ARHGEF10: variants seen among roughly 807,000 people sequenced by gnomAD.
ARHGEF10 encodes the protein Rho guanine nucleotide exchange factor 10.
ARHGEF10 carries 140 observed loss-of-function variants against 147.4 expected under a neutral mutation model. That is an observed-to-expected ratio of 0.95 (90% CI 0.83 to 1.09). The LOEUF (loss-of-function observed/expected upper bound fraction) is 1.09, where lower values mean the gene tolerates loss of function less well. Ranked by LOEUF, ARHGEF10 falls within the 50% of genes least tolerant of loss-of-function variation. ARHGEF10 has a pLI of 0.00. For missense variants in ARHGEF10, 2,222 were observed against 1,752.7 expected (o/e 1.27, Z -4.78); for synonymous variants, 902 against 695.8 (o/e 1.30, Z -4.67).
intron 26 of ARHGEF10, among the ~76,000 whole-genome samples, chr8:1,934,552 A>G (rs558051174): frequency 6.6e-6 from 1 of 152,262 alleles, no homozygotes; most frequent in Admixed American, 6.5e-5. Context: ...ACTTAGGGAA[A>G]ATTTGCATTT....
At position 1,889,232 on chromosome 8, in the gene ARHGEF10, GAGGAGACAT is replaced by G. The variant is rs1809157906; in HGVS notation, c.1182+3526_1182+3534del. Among the ~76,000 whole-genome samples, 5 of 114,086 alleles carry G rather than the reference GAGGAGACAT, an allele frequency of 4.4e-5. 1 individual carries two copies. The highest frequency in any genetic ancestry group is 1.4e-4 in the African/African-American group (4 of 27,612). The allele number at this position is 114,086 out of a possible 152,430, so 74.8% of individuals were successfully genotyped here. A position where few individuals can be genotyped will look rare whatever the true frequency, so the allele number is the denominator to read the frequency against. On this transcript the variant is annotated intron_variant, in intron 11 of 28. Transcript: ENST00000349830. ...AGACACTGAATGGGGTGAGGGTTGTGAGGAGACATTGAGTGGGATGAGAGGTGTGAGGAG... is the reference window on the plus strand; with the variant it reads ...AGACACTGAATGGGGTGAGGGTTGTGTGAGTGGGATGAGAGGTGTGAGGAG...
rs553203762 is a variant in ARHGEF10 at position 1,866,262 on chromosome 8, G to A, written c.546-264G>A. Among the ~76,000 whole-genome samples, 39 of 152,314 alleles carry A rather than the reference G, an allele frequency of 2.6e-4. No homozygotes were observed. In the South Asian group the frequency reaches 7.5e-3, roughly 29 times the overall value. On this transcript the variant is annotated intron_variant, in intron 5 of 28. Transcript: ENST00000349830. ...CCTTCTAGGGCAAGGACCGTATTGC[G>A]GCTGTATTGCCCTTGCCCGTGTTCT...
intron 26 of ARHGEF10, among the ~76,000 whole-genome samples, chr8:1,943,326 G>C (rs974156424): frequency 1.3e-5 from 2 of 152,218 alleles, no homozygotes; most frequent in African/African-American, 4.8e-5. Flanking sequence ...AGGAGGGCGA[G>C]GAGCAGGGGA....
intron 21 of ARHGEF10, among the ~76,000 whole-genome samples, chr8:1,924,128 G>A (rs1041474614): frequency 6.6e-6 from 1 of 152,210 alleles, no homozygotes; most frequent in Non-Finnish European, 1.5e-5. Flanking sequence ...ATGAATATCA[G>A]TTGAGGCAGC....
intron 5 of ARHGEF10, among the ~76,000 whole-genome samples, chr8:1,866,097 C>T (rs775701104): frequency 1.6e-4 from 25 of 152,188 alleles, no homozygotes; most frequent in Non-Finnish European, 3.2e-4. Context: ...GCTGGGTGGC[C>T]TTGCATCTCT....
intron 26 of ARHGEF10, among the ~76,000 whole-genome samples, chr8:1,935,227 C>G (rs997114616): frequency 3.9e-5 from 6 of 152,094 alleles, no homozygotes; most frequent in Admixed American, 2.6e-4. Context: ...CACAACCCCC[C>G]ATCAGCCCCG....
chr8:1,859,744 C>A, intron 3 of ARHGEF10, 153 bp from the exon 4 acceptor site: 1 of 903,972 alleles, frequency 1.1e-6, no homozygotes, highest in Non-Finnish European at 1.7e-6. Flanking sequence ...TGAGTGCTCC[C>A]TCCGAGGCCA....
intron 2 of ARHGEF10, among the ~76,000 whole-genome samples, chr8:1,846,203 G>C (rs1804552407): frequency 6.6e-6 from 1 of 152,260 alleles, no homozygotes; most frequent in Non-Finnish European, 1.5e-5. Flanking sequence ...CGGGTTGGGA[G>C]CGAGGCCCCT....
chr8:1,912,114 A>G (rs988969015), intron 18 of ARHGEF10, among the ~76,000 whole-genome samples: 1 of 152,124 alleles, frequency 6.6e-6, no homozygotes, highest in African/African-American at 2.4e-5. Context: ...CAGCGTGGTA[A>G]CCACCTGAGA....
At position 1,923,888 on chromosome 8, in the gene ARHGEF10, G is replaced by T; in HGVS notation, c.2488+14G>T. The T allele has an allele frequency of 6.2e-7, 1 of 1,612,588 alleles. No individual in the cohort carries two copies. Among genetic ancestry groups the T allele is most frequent in the Non-Finnish European group, 8.5e-7 (1 of 1,178,634 alleles). On this transcript the variant is annotated intron_variant, in intron 21 of 28. Coordinates refer to ENST00000349830, the MANE Select transcript of ARHGEF10 (RefSeq NM_014629.4). ...AGCTCGCCCTAGGTAAGGCCTGGCT[G>T]GCTGAGGCTGAATGAGGCATGCGGC...
At position 1,876,612 on chromosome 8, in the gene ARHGEF10, G is replaced by C. The variant is rs746554581; in HGVS notation, c.721G>C (p.Gly241Arg). The change falls in exon 8 of 29, where the codon GGA (glycine) becomes CGA (arginine). Residue 241 changes from glycine to arginine, a missense_variant. Coordinates refer to ENST00000349830, the MANE Select transcript of ARHGEF10 (RefSeq NM_014629.4). ...YDDVENGDEG[G>R]NSSLEYGWSS... ...TGATGTTGAGAATGGGGATGAAGGT[G>C]GAAACAGCTCCTTGGAATACGGATG... is the stretch of plus-strand genomic sequence containing the variant. The C allele has an allele frequency of 1.2e-6, 2 of 1,614,094 alleles. No homozygotes were observed. Among genetic ancestry groups the C allele is most frequent in the African/African-American group, 2.7e-5 (2 of 74,934 alleles).
chr8:1,909,364 T>G lies in ARHGEF10; in HGVS notation c.2037T>G (p.His679Gln). The change falls in exon 18 of 29, where the codon CAT (histidine) becomes CAG (glutamine). Residue 679 changes from histidine (H) to glutamine (Q), a missense_variant. Physicochemically the swap from His to Gln is conservative, Grantham distance 24. Transcript: ENST00000349830. Reference protein sequence around the residue: ...YLLKWSVPLGHVDAIEYGSSA... With the variant: ...YLLKWSVPLGQVDAIEYGSSA... Reference sequence around the variant, plus strand: ...TGAAGTGGAGCGTTCCACTGGGACATGTGGACGCCATCGAGTATGGCAGCA... The same window carrying G: ...TGAAGTGGAGCGTTCCACTGGGACAGGTGGACGCCATCGAGTATGGCAGCA... The G allele has an allele frequency of 6.2e-7, 1 of 1,614,228 alleles. No individual in the cohort carries two copies. The highest frequency in any genetic ancestry group is 8.5e-7 in the Non-Finnish European group (1 of 1,180,042).
chr8:1,824,306 C>T (rs1326062510), intron 1 of ARHGEF10, among the ~76,000 whole-genome samples, 193 bp downstream of exon 1: 1 of 152,034 alleles, frequency 6.6e-6, no homozygotes, highest in East Asian at 2.0e-4. Context: ...TTCCGCGGCG[C>T]CCCCGGCCCC....
intron 1 of ARHGEF10, among the ~76,000 whole-genome samples, chr8:1,839,653 CTGTGGGTACTGTCTGG>C (rs1803840118): frequency 2.8e-5 from 2 of 71,284 alleles, no homozygotes; most frequent in African/African-American, 6.6e-5. Context: ...GGACTGTCCG[CTGTGGGTACTGTCTGG>C]TGTGGAAACT....
intron 2 of ARHGEF10, among the ~76,000 whole-genome samples, chr8:1,844,001 C>T (rs1165600793): frequency 3.3e-5 from 5 of 152,240 alleles, no homozygotes; most frequent in African/African-American, 7.2e-5. Flanking sequence ...GCTCGCGCTC[C>T]GGCCAGTGGA....
intron 17 of ARHGEF10, among the ~76,000 whole-genome samples, chr8:1,907,620 A>C (rs772736168): frequency 3.9e-5 from 6 of 152,234 alleles, no homozygotes; most frequent in Admixed American, 6.5e-5. Flanking sequence ...TCCCGCTGCC[A>C]GACGTGGTGT....
At position 1,923,733 on chromosome 8, in the gene ARHGEF10, C is replaced by G. The variant is rs367899050; in HGVS notation, c.2388-41C>G. Reference sequence around the variant, plus strand: ...TGTAATTTAACCTCACAGGATGGAGCACGTTTTATAAAATGAATGCTTGTC... The same window carrying G: ...TGTAATTTAACCTCACAGGATGGAGGACGTTTTATAAAATGAATGCTTGTC... On this transcript the variant is annotated intron_variant, in intron 20 of 28. Coordinates refer to ENST00000349830, the MANE Select transcript of ARHGEF10 (RefSeq NM_014629.4). 751 of 1,613,184 alleles carry G rather than the reference C, an allele frequency of 4.7e-4. 1 individual carries two copies. The highest frequency in any genetic ancestry group is 6.2e-4 in the Admixed American group (37 of 59,988).
chr8:1,824,268 A>G (rs1347005934), intron 1 of ARHGEF10, among the ~76,000 whole-genome samples, 155 bp downstream of exon 1: 3 of 151,806 alleles, frequency 2.0e-5, no homozygotes, highest in Non-Finnish European at 4.4e-5. Flanking sequence ...GAAGGGGCTG[A>G]GACCCCCTCC....
At chr8:1,886,602 A>G (rs1317146703) in intron 11 of ARHGEF10, among the ~76,000 whole-genome samples, 4 of 152,356 alleles carry the variant, frequency 2.6e-5, no homozygotes, top group African/African-American at 9.6e-5. Flanking sequence ...CAGCAGCATC[A>G]CACGAGTGAC....
Sources: gnomAD v4.1 joint callset for allele counts (sites outside exome capture counted in the v4.1 genomes callset) on GRCh38, gnomAD v4.1.1 for gene constraint, MANE v1.5 for transcripts, NCBI Gene and HGNC (gene_info 2026-07-23, HGNC 2026-07-21) for gene names.